Variants in OXR1 observed in about 807,000 individuals in gnomAD.
The protein encoded by OXR1 is oxidation resistance 1, also known as oxidation resistance protein 1.
In OXR1, 41 loss-of-function variants were observed where a neutral mutation model predicts 104.6. The observed-to-expected ratio is 0.39, with a 90% CI of 0.31 to 0.51. The LOEUF (loss-of-function observed/expected upper bound fraction) is 0.51. OXR1 is among the 20% of genes least tolerant of loss of function. The probability of loss-of-function intolerance (pLI) is 0.77; values close to 1 mark genes in which losing one functional copy is unlikely to be tolerated. For missense variants in OXR1, 955 were observed against 1,031.9 expected, an observed-to-expected ratio of 0.93 and a Z score of 1.02; for synonymous variants, 348 against 348.4, an observed-to-expected ratio of 1.00 and a Z score of 0.01.
intron 2 of OXR1, among the ~76,000 whole-genome samples, chr8:106,444,341 A>G (rs1408314350): frequency 6.6e-6 from 1 of 152,214 alleles, no homozygotes; most frequent in Non-Finnish European, 1.5e-5. Context: ...ATTACTGGGT[A>G]TATACCCAAA....
chr8:106,604,907 C>T (rs1001873734), intron 3 of OXR1: 5 of 152,104 alleles, frequency 3.3e-5, no homozygotes, highest in Non-Finnish European at 5.9e-5. Context: ...GGCCTGGGCA[C>T]GTGTATATGC....
intron 2 of OXR1, among the ~76,000 whole-genome samples, chr8:106,373,395 G>A (rs10095276): frequency 0.015 from 2,352 of 152,192 alleles, 58 homozygotes; most frequent in African/African-American, 0.053. Flanking sequence ...TTTAATGTGC[G>A]TGTGGTTTTA....
chr8:106,662,749 A>G (rs1193939407), intron 3 of OXR1, among the ~76,000 whole-genome samples: 2 of 152,066 alleles, frequency 1.3e-5, no homozygotes, highest in Non-Finnish European at 2.9e-5. Flanking sequence ...ATATTATGGG[A>G]GTATATAAGA....
chr8:106,659,985 G>A, intron 3 of OXR1, among the ~76,000 whole-genome samples: 1 of 152,324 alleles, frequency 6.6e-6, no homozygotes, highest in East Asian at 1.9e-4. Flanking sequence ...TTAGAGAGGC[G>A]TTGTGAGGTC....
chr8:106,629,175 A>AAAAT (rs2130882427), intron 3 of OXR1, among the ~76,000 whole-genome samples: 1 of 152,354 alleles, frequency 6.6e-6, no homozygotes, highest in African/African-American at 2.4e-5. Flanking sequence ...CTTAGATAGT[A>AAAAT]AAATAACATT....
At chr8:106,355,926 TCAGA>T (rs1815949033) in intron 1 of OXR1, among the ~76,000 whole-genome samples, 1 of 152,186 alleles carries the variant, frequency 6.6e-6, no homozygotes, top group South Asian at 2.1e-4. Flanking sequence ...AAAAAATGCA[TCAGA>T]CAGAGTTAAA....
intron 3 of OXR1, among the ~76,000 whole-genome samples, chr8:106,667,716 T>G (rs702776): frequency 0.16 from 23,612 of 152,132 alleles, 2,093 homozygotes; most frequent in Non-Finnish European, 0.2. Context: ...AAACCTGATA[T>G]ATACTATATA....
rs535295489 is a variant in OXR1, at chr8:106,274,356, A to G, written c.-139+3989A>G. On this transcript the variant is annotated intron_variant, in intron 1 of 16. Coordinates refer to ENST00000517566, the MANE Select transcript of OXR1 (RefSeq NM_001198533.2). ...AGGTAAAAGCCTTGTCATTAGCACA[A>G]TGAAGCCTAGTGAAACTAAAATTTG... Among the ~76,000 whole-genome samples, 15 of 152,330 alleles carry G rather than the reference A, an allele frequency of 9.8e-5. No homozygotes were observed. The South Asian group carries it at 2.1e-3, about 21-fold the overall frequency.
intron 8 of OXR1, among the ~76,000 whole-genome samples, chr8:106,703,610 G>A (rs1830790804): frequency 6.6e-6 from 1 of 152,010 alleles, no homozygotes; most frequent in South Asian, 2.1e-4. Context: ...CCCACAACTT[G>A]CTCAAATATA....
chr8:106,712,099 C>T (rs1465240804), intron 10 of OXR1, among the ~76,000 whole-genome samples: 2 of 152,014 alleles, frequency 1.3e-5, no homozygotes, highest in Non-Finnish European at 2.9e-5. Flanking sequence ...TTTATAAGTA[C>T]TGAGAAGCTT....
chr8:106,286,805 G>A lies in OXR1; in HGVS notation c.-139+16438G>A, dbSNP rs554374032. 2.6e-5 allele frequency among the ~76,000 whole-genome samples: 4 copies of A among 152,154 alleles called. 1 individual carries two copies. Among genetic ancestry groups the A allele is most frequent in the African/African-American group, 9.6e-5 (4 of 41,504 alleles). On this transcript the variant is annotated intron_variant, in intron 1 of 16. Coordinates refer to ENST00000517566, the MANE Select transcript of OXR1 (RefSeq NM_001198533.2). Reference sequence around the variant, plus strand: ...GGTATTCTAAGGTCTATTGTTCAACGAATAAGATATTACAACTCCCGTAAT... The same window carrying A: ...GGTATTCTAAGGTCTATTGTTCAACAAATAAGATATTACAACTCCCGTAAT...
At chr8:106,281,408 C>T (rs1033163257) in intron 1 of OXR1, among the ~76,000 whole-genome samples, 8 of 152,150 alleles carry the variant, frequency 5.3e-5, no homozygotes, top group Admixed American at 1.3e-4. Flanking sequence ...ATTTTATAGA[C>T]CTCACCACTG....
At chr8:106,739,341 G>C in intron 12 of OXR1, 117 bp from the exon 13 acceptor site, 1 of 886,396 alleles carries the variant, frequency 1.1e-6, no homozygotes, top group Non-Finnish European at 1.7e-6. Context: ...AAATCTTAAG[G>C]TTAAAGATTT....
At chr8:106,276,150 A>G (rs1812027347) in intron 1 of OXR1, among the ~76,000 whole-genome samples, 1 of 152,178 alleles carries the variant, frequency 6.6e-6, no homozygotes, top group African/African-American at 2.4e-5. Flanking sequence ...CCTCCTAAAG[A>G]AGGTGAAAGA....
chr8:106,738,246 G>T (rs1489153291), intron 12 of OXR1, among the ~76,000 whole-genome samples: 3 of 151,912 alleles, frequency 2.0e-5, no homozygotes, highest in African/African-American at 7.3e-5. Context: ...AATAAGATAT[G>T]CTTTCATGGC....
intron 2 of OXR1, among the ~76,000 whole-genome samples, chr8:106,487,340 T>TTTTC (rs1554581702): frequency 0.042 from 154 of 3,684 alleles, no homozygotes; most frequent in Non-Finnish European, 0.097. Context: ...CAGGTATTTC[T>TTTTC]TTTTTTTTTT....
intron 3 of OXR1, among the ~76,000 whole-genome samples, chr8:106,628,969 T>G (rs544825056): frequency 1.3e-5 from 2 of 152,330 alleles, no homozygotes; most frequent in African/African-American, 4.8e-5. Context: ...AATGTTTAAC[T>G]GCACTAACAC....
chr8:106,292,162 G>A (rs1237221648), intron 1 of OXR1, among the ~76,000 whole-genome samples: 1 of 152,164 alleles, frequency 6.6e-6, no homozygotes, highest in Non-Finnish European at 1.5e-5. Context: ...CAGTATTGTA[G>A]TGCTTGTATT....
At position 106,519,134 on chromosome 8, in the gene OXR1, C is replaced by T; in HGVS notation, c.215C>T (p.Thr72Ile). ...SRRSELKRFY[T>I]IDTGQKKTLD... ...AGGAGCGAACTGAAGAGGTTCTACA[C>T]AATTGGTGAGCACCAGATGTTTTAT... is the stretch of plus-strand genomic sequence containing the variant. Residue 72 changes from threonine (T) to isoleucine (I), a missense_variant, in exon 3 of 17, where the codon ACA (threonine) becomes ATA (isoleucine). Transcript: ENST00000517566. 5 of 1,548,458 alleles carry T rather than the reference C, an allele frequency of 3.2e-6. No individual in the cohort carries two copies. Among genetic ancestry groups the T allele is most frequent in the Non-Finnish European group, 4.4e-6 (5 of 1,144,132 alleles).
Sources: gnomAD v4.1 joint callset for allele counts (sites outside exome capture counted in the v4.1 genomes callset) on GRCh38, gnomAD v4.1.1 for gene constraint, MANE v1.5 for transcripts, NCBI Gene and HGNC (gene_info 2026-07-23, HGNC 2026-07-21) for gene names.